Variants in CDK14 observed in about 807,000 individuals in gnomAD.
The protein encoded by CDK14 is cyclin-dependent kinase 14.
In CDK14, 34 loss-of-function variants were observed where a neutral mutation model predicts 60.7. That is an observed-to-expected ratio of 0.56 (90% CI 0.43 to 0.75). CDK14 has a LOEUF of 0.75. Ranked by LOEUF, CDK14 falls within the 30% of genes least tolerant of loss-of-function variation. CDK14 has a pLI of 0.00. For missense variants in CDK14, 482 were observed against 564.1 expected, an observed-to-expected ratio of 0.85 and a Z score of 1.47; for synonymous variants, 197 against 203.7, an observed-to-expected ratio of 0.97 and a Z score of 0.28.
chr7:90,767,317 G>T (rs981969654), intron 4 of CDK14, among the ~76,000 whole-genome samples: 2 of 152,114 alleles, frequency 1.3e-5, no homozygotes, highest in Non-Finnish European at 2.9e-5. Context: ...TACCTTCCTT[G>T]TTAATAATTA....
chr7:90,977,780 G>A (rs1288673748), intron 9 of CDK14, among the ~76,000 whole-genome samples: 1 of 151,994 alleles, frequency 6.6e-6, no homozygotes, highest in Non-Finnish European at 1.5e-5. Flanking sequence ...GGGGAAGGAG[G>A]GTCGTGTTGC....
intron 3 of CDK14, among the ~76,000 whole-genome samples, chr7:90,741,360 A>G (rs565817597): frequency 3.0e-4 from 46 of 152,296 alleles, no homozygotes; most frequent in African/African-American, 1.1e-3. Context: ...GCTTTAGGCT[A>G]CCTTGTGCTG....
At chr7:90,697,322 A>G (rs985003078) in intron 2 of CDK14, among the ~76,000 whole-genome samples, 6 of 152,138 alleles carry the variant, frequency 3.9e-5, no homozygotes, top group African/African-American at 1.4e-4. Flanking sequence ...GAAAATTGTC[A>G]TTGAACGAGA....
rs573897962 is a variant in CDK14 at position 90,811,546 on chromosome 7, C to T, written c.544+20894C>T. ...AAAACCTAGGCAATACCATTCAGGACATAGGCATGGGCAAGGACTTCATGT... is the reference window on the plus strand; with the variant it reads ...AAAACCTAGGCAATACCATTCAGGATATAGGCATGGGCAAGGACTTCATGT... On this transcript the variant is annotated intron_variant, in intron 5 of 14. Coordinates refer to ENST00000380050, the MANE Select transcript of CDK14 (RefSeq NM_001287135.2). Among the ~76,000 whole-genome samples, 728 of 152,142 alleles carry T rather than the reference C, an allele frequency of 4.8e-3. 3 individuals carry two copies. The highest frequency in any genetic ancestry group is 0.016 in the African/African-American group (656 of 41,504).
chr7:90,861,443 A>C (rs933310236), intron 5 of CDK14, among the ~76,000 whole-genome samples: 9 of 152,280 alleles, frequency 5.9e-5, no homozygotes, highest in African/African-American at 2.2e-4. Context: ...GCTGTGAAAA[A>C]CAGTACAGGG....
At chr7:90,736,714 T>C (rs1803129363) in intron 3 of CDK14, among the ~76,000 whole-genome samples, 1 of 152,140 alleles carries the variant, frequency 6.6e-6, no homozygotes. Flanking sequence ...AAGGAAAATG[T>C]GATAGAAGTG....
intron 2 of CDK14, among the ~76,000 whole-genome samples, chr7:90,653,030 A>G (rs1156613566): frequency 6.6e-6 from 1 of 151,992 alleles, no homozygotes; most frequent in Non-Finnish European, 1.5e-5. Context: ...ACCAGTGAAC[A>G]CTCTTGCCCT....
At chr7:90,891,752 A>G (rs933637635) in intron 6 of CDK14, among the ~76,000 whole-genome samples, 4 of 152,224 alleles carry the variant, frequency 2.6e-5, no homozygotes, top group Admixed American at 6.5e-5. Flanking sequence ...GTGCTCCTGA[A>G]GAACATCGAA....
At chr7:90,658,286 A>G (rs1800792397) in intron 2 of CDK14, among the ~76,000 whole-genome samples, 1 of 152,202 alleles carries the variant, frequency 6.6e-6, no homozygotes. Context: ...CTGGAGGCTG[A>G]AAGTTCAAGA....
intron 5 of CDK14, among the ~76,000 whole-genome samples, chr7:90,813,501 A>G (rs1016213253): frequency 6.6e-6 from 1 of 152,110 alleles, no homozygotes; most frequent in African/African-American, 2.4e-5. Flanking sequence ...TAATCCCAGC[A>G]CTTTGGGAGG....
intron 5 of CDK14, among the ~76,000 whole-genome samples, chr7:90,814,664 C>T (rs1789277730): frequency 2.6e-5 from 4 of 152,212 alleles, no homozygotes; most frequent in South Asian, 2.1e-4. Context: ...CACCTGTAAT[C>T]GCAGCTACTA....
intron 4 of CDK14, among the ~76,000 whole-genome samples, chr7:90,781,616 G>A (rs901811814): frequency 4.0e-5 from 6 of 150,734 alleles, no homozygotes; most frequent in Non-Finnish European, 8.9e-5. Flanking sequence ...AAAGGATCCA[G>A]TTTCAGCTTT....
At chr7:90,775,728 C>G (rs971378176) in intron 4 of CDK14, among the ~76,000 whole-genome samples, 2 of 138,342 alleles carry the variant, frequency 1.4e-5, no homozygotes, top group Non-Finnish European at 3.1e-5. Context: ...CTCCTCTCCT[C>G]TCCTCCTCTT....
In CDK14 at chr7:90,596,461, C is replaced by T. The variant is rs1799187297; in HGVS notation, c.-167C>T. The T allele has an allele frequency of 1.9e-6, 1 of 540,418 alleles. No individual in the cohort carries two copies. Among genetic ancestry groups the T allele is most frequent in the Non-Finnish European group, 3.3e-6 (1 of 307,348 alleles). The allele number at this position is 540,418 out of a possible 1,614,324, so 33.5% of individuals were successfully genotyped here. A position where few individuals can be genotyped will look rare whatever the true frequency, so the allele number is the denominator to read the frequency against. ...CCAGGCCGGAGCGGAGCCTGCCGTC[C>T]TCCGCCTGCCTGCTGCTCGCCTCCC... On this transcript the variant is annotated 5_prime_UTR_variant, in exon 1 of 15. Transcript: ENST00000380050.
intron 5 of CDK14, among the ~76,000 whole-genome samples, chr7:90,814,809 T>G (rs1476580905): frequency 1.3e-5 from 2 of 152,178 alleles, no homozygotes; most frequent in Admixed American, 1.3e-4. Flanking sequence ...GAGTAACTTA[T>G]GCAGCCAGGA....
intron 12 of CDK14, among the ~76,000 whole-genome samples, chr7:91,101,155 G>A (rs1157977181): frequency 3.9e-5 from 6 of 152,194 alleles, no homozygotes. Context: ...ATGGAAAAAT[G>A]TAATGTGTTC....
intron 14 of CDK14, among the ~76,000 whole-genome samples, chr7:91,149,527 C>T (rs768567241): frequency 1.2e-4 from 19 of 152,176 alleles, no homozygotes; most frequent in Non-Finnish European, 2.6e-4. Flanking sequence ...AATGTTAATA[C>T]TCCTTAAAAA....
intron 5 of CDK14, among the ~76,000 whole-genome samples, chr7:90,801,555 G>A (rs1788630855): frequency 6.6e-6 from 1 of 152,156 alleles, no homozygotes. Flanking sequence ...AAGCTACTAA[G>A]TTGCTGTGAA....
chr7:90,872,099 T>C (rs1168753953), intron 6 of CDK14, among the ~76,000 whole-genome samples: 1 of 152,188 alleles, frequency 6.6e-6, no homozygotes, highest in East Asian at 1.9e-4. Flanking sequence ...AGACCTTGTT[T>C]TTAAAGAGAT....
Sources: allele counts gnomAD v4.1 joint callset (sites outside exome capture counted in the v4.1 genomes callset), GRCh38; gene constraint gnomAD v4.1.1; transcripts MANE v1.5; gene names NCBI Gene and HGNC (gene_info 2026-07-23, HGNC 2026-07-21).